KAZN: variants seen among roughly 807,000 people sequenced by gnomAD.
KAZN encodes kazrin, periplakin interacting protein.
In KAZN, 40 loss-of-function variants were observed where a neutral mutation model predicts 87.4. The ratio of observed to expected loss-of-function variants is 0.46; its 90% CI spans 0.36 to 0.60. The LOEUF (loss-of-function observed/expected upper bound fraction) is 0.60, where lower values mean the gene tolerates loss of function less well. Among genes scored for constraint, KAZN ranks in the 20% least tolerant of loss-of-function variants. KAZN has a pLI of 0.00. For missense variants in KAZN, 898 were observed against 1,073.9 expected (o/e 0.84, Z 2.29); for synonymous variants, 466 against 458.3 (o/e 1.02, Z -0.22).
At chr1:14,059,848 G>A (rs1305908244) in intron 1 of KAZN, among the ~76,000 whole-genome samples, 3 of 152,278 alleles carry the variant, frequency 2.0e-5, no homozygotes, top group Middle Eastern at 3.4e-3. Context: ...GAAGCATCTC[G>A]TAACACTTTC....
chr1:15,011,556 T>C (rs549371952), intron 2 of KAZN, among the ~76,000 whole-genome samples: 1 of 152,138 alleles, frequency 6.6e-6, no homozygotes, highest in African/African-American at 2.4e-5. Context: ...CAAATACTCA[T>C]ATTCTCATGG....
At chr1:14,757,664 T>C (rs1003380879) in intron 1 of KAZN, among the ~76,000 whole-genome samples, 10 of 152,208 alleles carry the variant, frequency 6.6e-5, no homozygotes, top group African/African-American at 1.9e-4. Context: ...TTAGGAAAAC[T>C]ATTTGGCTAA....
chr1:14,706,635 TA>T (rs972992591), intron 1 of KAZN, among the ~76,000 whole-genome samples: 9 of 152,184 alleles, frequency 5.9e-5, no homozygotes, highest in African/African-American at 1.9e-4. Context: ...GAAATTAAAT[TA>T]TTTTTTAAAA....
At chr1:14,217,840 A>G (rs1646992516) in intron 2 of KAZN, among the ~76,000 whole-genome samples, 1 of 152,172 alleles carries the variant, frequency 6.6e-6, no homozygotes. Context: ...GGCTTTCAGT[A>G]GACTTTCCTA....
chr1:14,310,239 C>T (rs544628652), intron 2 of KAZN, among the ~76,000 whole-genome samples: 140 of 152,210 alleles, frequency 9.2e-4, no homozygotes, highest in Non-Finnish European at 1.8e-3. Flanking sequence ...TGGAATCTTT[C>T]TGGAGAATGA....
chr1:15,044,126 C>G lies in KAZN; in HGVS notation c.693C>G (p.Asn231Lys). ...GCTCCCAGCTGGACCTCAAGGACAA[C>G]CGGATGAAGGAGCTGGAGGCCGAGC... ...ALRSQLDLKD[N>K]RMKELEAELA... Residue 231 changes from asparagine (N) to lysine (K), a missense_variant, in exon 4 of 15, where the codon AAC becomes AAG. Coordinates refer to ENST00000376030, the MANE Select transcript of KAZN (RefSeq NM_201628.3). 6.2e-7 allele frequency: 1 copy of G among 1,610,556 alleles called. No individual in the cohort carries two copies. Among genetic ancestry groups the G allele is most frequent in the Non-Finnish European group, 8.5e-7 (1 of 1,178,500 alleles).
At chr1:14,608,052 A>G (rs556406038) in intron 1 of KAZN, among the ~76,000 whole-genome samples, 34 of 152,352 alleles carry the variant, frequency 2.2e-4, no homozygotes, top group African/African-American at 7.5e-4. Flanking sequence ...AAAGTAGTCC[A>G]CTAGTGAACA....
chr1:14,329,663 A>C (rs963434594), intron 2 of KAZN, among the ~76,000 whole-genome samples: 1 of 152,170 alleles, frequency 6.6e-6, no homozygotes, highest in East Asian at 1.9e-4. Flanking sequence ...CAGCAAAAAC[A>C]ATAACCAGAC....
rs1029080644 is a variant in KAZN, at chr1:15,021,250, A to G, written c.419-13499A>G. On this transcript the variant is annotated intron_variant, in intron 2 of 14. Coordinates refer to ENST00000376030, the MANE Select transcript of KAZN (RefSeq NM_201628.3). This position sits in a 1 kb window ranked among gnomAD's most constrained non-coding sequence, Gnocchi z 4.2. The stretch of plus-strand genomic sequence containing the variant: ...GAGCCCAGGCCATTATCTTGCCTGC[A>G]TACGACCTCACACACCCACACAAGC... 6.6e-6 allele frequency among the ~76,000 whole-genome samples: 1 copy of G among 152,158 alleles called. No individual in the cohort carries two copies. The highest frequency in any genetic ancestry group is 3.2e-3 in the Middle Eastern group (1 of 316).
chr1:14,082,346 CA>C (rs1295718522), intron 1 of KAZN, among the ~76,000 whole-genome samples: 1 of 152,122 alleles, frequency 6.6e-6, no homozygotes, highest in Non-Finnish European at 1.5e-5. Flanking sequence ...AGAAAACCAC[CA>C]TTGCCTCCAT....
At chr1:14,666,015 C>T (rs922319939) in intron 1 of KAZN, among the ~76,000 whole-genome samples, 6 of 151,196 alleles carry the variant, frequency 4.0e-5, no homozygotes, top group African/African-American at 1.5e-4. Context: ...GAGCTGAGAC[C>T]TCAGCCATCT....
chr1:15,094,951 G>A lies in KAZN; in HGVS notation c.1547+18G>A. 1 of 1,527,618 alleles carries A rather than the reference G, an allele frequency of 6.5e-7. No homozygotes were observed. The highest frequency in any genetic ancestry group is 8.9e-7 in the Non-Finnish European group (1 of 1,126,986). The allele number at this position is 1,527,618 out of a possible 1,614,324, so 94.6% of individuals were successfully genotyped here. On this transcript the variant is annotated intron_variant, in intron 10 of 14. Transcript: ENST00000376030. The surrounding 1 kb of genome is among the most constrained non-coding windows in gnomAD (Gnocchi z 4.5). ...GGCCGCAGGTGAGCCCACCACGAGGGGCCCCGGGGGAGGAGAGAAAAAGTC... is the reference window on the plus strand; with the variant it reads ...GGCCGCAGGTGAGCCCACCACGAGGAGCCCCGGGGGAGGAGAGAAAAAGTC...
At chr1:14,218,613 A>G (rs564386058) in intron 2 of KAZN, among the ~76,000 whole-genome samples, 1 of 152,302 alleles carries the variant, frequency 6.6e-6, no homozygotes, top group South Asian at 2.1e-4. Flanking sequence ...AGTAAGGATA[A>G]TATTTTCGGT....
intron 2 of KAZN, among the ~76,000 whole-genome samples, chr1:14,251,900 C>G (rs548671587): frequency 6.6e-6 from 1 of 151,898 alleles, no homozygotes; most frequent in African/African-American, 2.4e-5. Context: ...CCACCTGCCT[C>G]GATCTCCCAA....
At chr1:14,702,915 T>C (rs1642013172) in intron 1 of KAZN, among the ~76,000 whole-genome samples, 1 of 152,220 alleles carries the variant, frequency 6.6e-6, no homozygotes, top group Non-Finnish European at 1.5e-5. Flanking sequence ...CCCCCTCCAT[T>C]AAAGAAATTT....
intron 2 of KAZN, among the ~76,000 whole-genome samples, chr1:14,271,014 TG>T (rs915787224): frequency 1.6e-4 from 24 of 152,314 alleles, no homozygotes; most frequent in African/African-American, 5.8e-4. Flanking sequence ...TACCACCAGA[TG>T]GGAAGCTTCA....
chr1:14,939,270 C>A (rs1231207103), intron 1 of KAZN, among the ~76,000 whole-genome samples: 2 of 151,684 alleles, frequency 1.3e-5, no homozygotes, highest in African/African-American at 4.8e-5. Context: ...CCGTGCCTGG[C>A]CTGTTTATTC....
intron 2 of KAZN, among the ~76,000 whole-genome samples, chr1:14,373,892 GTTAC>G (rs762121302): frequency 5.8e-4 from 89 of 152,296 alleles, no homozygotes; most frequent in Admixed American, 1.4e-3. Context: ...TGTCCAGGTT[GTTAC>G]TTAAACGGAT....
intron 1 of KAZN, among the ~76,000 whole-genome samples, chr1:13,933,211 G>A (rs779513798): frequency 6.6e-6 from 1 of 151,344 alleles, no homozygotes; most frequent in African/African-American, 2.4e-5. Context: ...AATATTCATC[G>A]GCCGGGCGCA....
Sources: gnomAD v4.1 joint callset for allele counts (sites outside exome capture counted in the v4.1 genomes callset) on GRCh38, gnomAD v4.1.1 for gene constraint, Gnocchi (gnomAD v3.1) non-coding constraint, MANE v1.5 for transcripts, NCBI Gene and HGNC (gene_info 2026-07-23, HGNC 2026-07-21) for gene names.